Variants in PEBP4 observed in about 807,000 individuals in gnomAD.
The protein encoded by PEBP4 is phosphatidylethanolamine binding protein 4.
A neutral mutation model predicts 23.9 loss-of-function variants in PEBP4; 22 were observed. That is an observed-to-expected ratio of 0.92 (90% CI 0.66 to 1.31). The LOEUF is 1.31. Among genes scored for constraint, PEBP4 ranks in the 40% most tolerant of loss-of-function variants. The pLI is 0.00. For synonymous variants in PEBP4, 112 were observed against 99.3 expected (o/e 1.13, Z -0.76); for missense variants, 324 against 281.7 (o/e 1.15, Z -1.07).
intron 4 of PEBP4, among the ~76,000 whole-genome samples, chr8:22,752,346 C>T (rs1256551859): frequency 6.6e-6 from 1 of 152,184 alleles, no homozygotes; most frequent in Admixed American, 6.5e-5. Flanking sequence ...GACATGAATG[C>T]CTTTGTGAAA....
At chr8:22,786,091 C>G (rs1245984134) in intron 4 of PEBP4, among the ~76,000 whole-genome samples, 4 of 152,176 alleles carry the variant, frequency 2.6e-5, no homozygotes, top group Admixed American at 1.3e-4. Context: ...GCTGTCTTTC[C>G]CTTCCTCCTA....
chr8:22,749,805 C>CTTTTT (rs71206545), intron 4 of PEBP4, among the ~76,000 whole-genome samples: 2,516 of 83,702 alleles, frequency 0.03, 268 homozygotes, highest in African/African-American at 0.09. Context: ...GTTTGTCATT[C>CTTTTT]TTTTTTTTTT....
At chr8:22,928,293 T>C (rs1045295515), upstream of PEBP4, among the ~76,000 whole-genome samples, 3 of 152,150 alleles carry the variant, frequency 2.0e-5, no homozygotes, top group Non-Finnish European at 4.4e-5. Flanking sequence ...AGTGACCTTG[T>C]GTAGGAGGGA....
chr8:22,875,745 G>A (rs891899414), intron 3 of PEBP4, among the ~76,000 whole-genome samples: 10 of 151,934 alleles, frequency 6.6e-5, no homozygotes, highest in Non-Finnish European at 1.0e-4. Flanking sequence ...CTGTCACCCA[G>A]CACGTCACCC....
intron 4 of PEBP4, chr8:22,757,131 G>T (rs1008949191): frequency 6.6e-6 from 1 of 152,222 alleles, no homozygotes; most frequent in African/African-American, 2.4e-5. Flanking sequence ...CTCACCATAT[G>T]CCAGGGTTCA....
At chr8:22,834,787 G>A (rs1807166020) in intron 3 of PEBP4, among the ~76,000 whole-genome samples, 1 of 152,152 alleles carries the variant, frequency 6.6e-6, no homozygotes, top group African/African-American at 2.4e-5. Flanking sequence ...ATGGGATGTT[G>A]GTGTATTGAA....
At chr8:22,931,621 T>A (rs1219072485), upstream of PEBP4, among the ~76,000 whole-genome samples, 1 of 152,132 alleles carries the variant, frequency 6.6e-6, no homozygotes, top group Non-Finnish European at 1.5e-5. Context: ...AGTCTCGCTG[T>A]CACCGGGGCT....
chr8:22,893,664 A>C (rs1212234495), intron 3 of PEBP4, among the ~76,000 whole-genome samples: 1 of 152,224 alleles, frequency 6.6e-6, no homozygotes, highest in Admixed American at 6.5e-5. Context: ...TGAAGAGTAC[A>C]CTGGATGAGA....
At chr8:22,928,868 A>C (rs1426345319), upstream of PEBP4, among the ~76,000 whole-genome samples, 1 of 152,232 alleles carries the variant, frequency 6.6e-6, no homozygotes, top group African/African-American at 2.4e-5. Context: ...ACACGCAGCT[A>C]GACCTTTAGA....
chr8:22,784,540 A>G (rs894770754), intron 4 of PEBP4, among the ~76,000 whole-genome samples: 3 of 151,882 alleles, frequency 2.0e-5, no homozygotes, highest in African/African-American at 7.3e-5. Flanking sequence ...CAACCTCCCG[A>G]CCTCCCGTCC....
At chr8:22,797,820 G>A (rs1171732649) in intron 4 of PEBP4, among the ~76,000 whole-genome samples, 5 of 152,164 alleles carry the variant, frequency 3.3e-5, no homozygotes, top group Admixed American at 1.3e-4. Flanking sequence ...TGAGATGAGC[G>A]TATGAAAACT....
chr8:22,900,185 T>C (rs1451404694), intron 3 of PEBP4, among the ~76,000 whole-genome samples: 2 of 152,140 alleles, frequency 1.3e-5, no homozygotes, highest in Non-Finnish European at 2.9e-5. Flanking sequence ...ACAGTAAGAA[T>C]GACTTATCGG....
intron 6 of PEBP4, among the ~76,000 whole-genome samples, chr8:22,716,195 A>G (rs1804416557): frequency 6.6e-6 from 1 of 152,188 alleles, no homozygotes; most frequent in East Asian, 1.9e-4. Flanking sequence ...AGGCCTGGGC[A>G]TCTCAGGACA....
chr8:22,933,159 A>C (rs1161666686), intron 1 of PEBP4, among the ~76,000 whole-genome samples: 1 of 152,190 alleles, frequency 6.6e-6, no homozygotes, highest in Non-Finnish European at 1.5e-5. Context: ...GCAATGCTCT[A>C]ATCTGTCTGG....
At chr8:22,910,614 G>A (rs1056704566) in intron 3 of PEBP4, among the ~76,000 whole-genome samples, 3 of 152,394 alleles carry the variant, frequency 2.0e-5, no homozygotes, top group South Asian at 2.1e-4. Flanking sequence ...GCTTGGCAAC[G>A]ATGGACAGGG....
intron 4 of PEBP4, among the ~76,000 whole-genome samples, chr8:22,804,072 A>G (rs895349539): frequency 6.6e-6 from 1 of 152,224 alleles, no homozygotes; most frequent in Non-Finnish European, 1.5e-5. Flanking sequence ...TCACATCTGC[A>G]GTCCCAGCAC....
At chr8:22,872,436 C>T (rs745794715) in intron 3 of PEBP4, among the ~76,000 whole-genome samples, 57 of 152,214 alleles carry the variant, frequency 3.7e-4, no homozygotes, top group Non-Finnish European at 1.2e-4. Flanking sequence ...GCTGAGGATG[C>T]TGGCTGCAGC....
chr8:22,888,140 C>G (rs982081978), intron 3 of PEBP4: 9 of 150,238 alleles, frequency 6.0e-5, no homozygotes, highest in African/African-American at 2.2e-4. Context: ...GGATGTTTGG[C>G]CAACCCACCC....
intron 3 of PEBP4, among the ~76,000 whole-genome samples, chr8:22,832,864 A>T (rs1807115807): frequency 6.6e-6 from 1 of 152,090 alleles, no homozygotes; most frequent in South Asian, 2.1e-4. Flanking sequence ...TTCAAATGCC[A>T]GCCACCCACC....
Sources: allele counts gnomAD v4.1 joint callset (sites outside exome capture counted in the v4.1 genomes callset), GRCh38; gene constraint gnomAD v4.1.1; transcripts MANE v1.5; gene names NCBI Gene and HGNC (gene_info 2026-07-23, HGNC 2026-07-21).